FBXO31: variants seen among roughly 807,000 people sequenced by gnomAD.
FBXO31 encodes F-box only protein 31.
A neutral mutation model predicts 54.4 loss-of-function variants in FBXO31; 24 were observed. The ratio of observed to expected loss-of-function variants is 0.44; its 90% CI spans 0.32 to 0.62. FBXO31 has a LOEUF of 0.62. Ranked by LOEUF, FBXO31 falls within the 20% of genes least tolerant of loss-of-function variation. The pLI, the probability that FBXO31 is intolerant of heterozygous loss-of-function variation, is 0.05. For missense variants in FBXO31, 665 were observed against 787.1 expected (o/e 0.84, Z 1.86); for synonymous variants, 388 against 335.6 (o/e 1.16, Z -1.71).
At chr16:87,362,272 T>A (rs1906166423) in intron 1 of FBXO31, among the ~76,000 whole-genome samples, 1 of 152,214 alleles carries the variant, frequency 6.6e-6, no homozygotes, top group South Asian at 2.1e-4. Flanking sequence ...TAACTAATTA[T>A]TATCTTTTCA....
At chr16:87,376,796 C>T (rs1906842985) in intron 1 of FBXO31, among the ~76,000 whole-genome samples, 1 of 152,226 alleles carries the variant, frequency 6.6e-6, no homozygotes, top group African/African-American at 2.4e-5. Flanking sequence ...CCTCACAAGG[C>T]TGGGGCCAGC....
rs1904723539 is a variant in FBXO31 at position 87,328,341 on chromosome 16, G to A, written c.*2947C>T. On this transcript the variant is annotated 3_prime_UTR_variant, in exon 9 of 9. Transcript: ENST00000311635. ...CCCACCCCTCCCTCCTCGTGTGCCA[G>A]GTGGGCTTGCTAGGGGCACAGGTGC... 1 of 152,676 alleles carries A rather than the reference G, an allele frequency of 6.5e-6. No homozygotes were observed. Among genetic ancestry groups the A allele is most frequent in the African/African-American group, 2.4e-5 (1 of 41,470 alleles). The allele number at this position is 152,676 out of a possible 1,614,324, so 9.5% of individuals were successfully genotyped here.
upstream of FBXO31, among the ~76,000 whole-genome samples, chr16:87,384,968 A>C (rs1907275351): frequency 1.3e-5 from 2 of 151,196 alleles, no homozygotes; most frequent in African/African-American, 4.9e-5. Context: ...TGAGGTCAGG[A>C]GTTTGAGACC....
Position 87,373,969 on chromosome 16 carries a change from C to T in FBXO31, c.340+9436G>A, listed in dbSNP as rs141814924. Among the ~76,000 whole-genome samples the T allele has an allele frequency of 6.0e-4, 92 of 152,296 alleles. No individual in the cohort carries two copies. The East Asian group carries it at 0.015, about 25-fold the overall frequency. On this transcript the variant is annotated intron_variant, in intron 1 of 8. Coordinates refer to ENST00000311635, the MANE Select transcript of FBXO31 (RefSeq NM_024735.5). Reference sequence around the variant, plus strand: ...ACCCACTGTAAATATGAAGGCCGGGCATGGTGGTTCACACCTGTAATGCAC... The same window carrying T: ...ACCCACTGTAAATATGAAGGCCGGGTATGGTGGTTCACACCTGTAATGCAC...
At chr16:87,383,956 G>T, upstream of FBXO31, 1 of 262,116 alleles carries the variant, frequency 3.8e-6, no homozygotes, top group Non-Finnish European at 7.0e-6. The surrounding 1 kb of genome is among the most constrained non-coding windows in gnomAD (Gnocchi z 4.9). Flanking sequence ...CCCCTCCAGC[G>T]TGAGGGCGCC....
intron 1 of FBXO31, among the ~76,000 whole-genome samples, chr16:87,376,877 T>C (rs898165640): frequency 6.6e-6 from 1 of 152,230 alleles, no homozygotes. Context: ...TTAGGAAAGA[T>C]GAAGTTTCAG....
Position 87,338,984 on chromosome 16 carries a change from T to G in FBXO31, c.733-2720A>C, listed in dbSNP as rs1268558656. 6.6e-6 allele frequency among the ~76,000 whole-genome samples: 1 copy of G among 152,214 alleles called. No individual in the cohort carries two copies. The highest frequency in any genetic ancestry group is 2.4e-5 in the African/African-American group (1 of 41,460). On this transcript the variant is annotated intron_variant, in intron 5 of 8. Coordinates refer to ENST00000311635, the MANE Select transcript of FBXO31 (RefSeq NM_024735.5). This position sits in a 1 kb window ranked among gnomAD's most constrained non-coding sequence, Gnocchi z 4.3. ...ATGGTTTTATAAAGGGGAGTTCCCC[T>G]GCACAAGTTCTCTCTTTTTTTGCCT... is the stretch of plus-strand genomic sequence containing the variant.
intron 1 of FBXO31, among the ~76,000 whole-genome samples, chr16:87,366,655 T>C (rs1221651656): frequency 6.6e-6 from 1 of 151,688 alleles, no homozygotes; most frequent in Admixed American, 6.6e-5. Context: ...TGACGAAAAA[T>C]GGGAAAATAT....
chr16:87,373,677 T>A (rs1906702238), intron 1 of FBXO31, among the ~76,000 whole-genome samples: 1 of 151,876 alleles, frequency 6.6e-6, no homozygotes. Flanking sequence ...GGACTACAGG[T>A]GTGCACCACC....
chr16:87,381,482 G>T (rs1305884758), intron 1 of FBXO31, among the ~76,000 whole-genome samples: 8 of 152,232 alleles, frequency 5.3e-5, no homozygotes, highest in Non-Finnish European at 1.2e-4. Context: ...GGAAGGTGAA[G>T]CAGCTTGTCC....
At chr16:87,368,512 C>T (rs576736976) in intron 1 of FBXO31, among the ~76,000 whole-genome samples, 1 of 152,334 alleles carries the variant, frequency 6.6e-6, no homozygotes, top group South Asian at 2.1e-4. Flanking sequence ...CAACCCAACT[C>T]CAGACGGCCA....
chr16:87,339,384 C>T (rs1326479757), intron 5 of FBXO31, among the ~76,000 whole-genome samples: 4 of 152,348 alleles, frequency 2.6e-5, no homozygotes, highest in African/African-American at 9.6e-5. Context: ...GCCCCACCCT[C>T]TGAACCCCTA....
At chr16:87,341,513 A>G (rs1258239177) in intron 5 of FBXO31, among the ~76,000 whole-genome samples, 1 of 152,022 alleles carries the variant, frequency 6.6e-6, no homozygotes, top group Non-Finnish European at 1.5e-5. Flanking sequence ...AAAATTAGCC[A>G]GGCATGGTGG....
chr16:87,360,343 G>A lies in FBXO31; in HGVS notation c.364C>T (p.Arg122Trp), dbSNP rs376226613. Residue 122 changes from arginine (R) to tryptophan (W), a missense_variant, in exon 2 of 9, where the codon CGG becomes TGG. Physicochemically the swap from Arg to Trp is moderately radical, Grantham distance 101 (BLOSUM62 -3). This residue lies in a region of FBXO31 where 234 missense variants were observed against 346.8 expected (regional missense o/e 0.67). Transcript: ENST00000311635. ...GACACGCCTGTGATCTCCAGCTTCC[G>A]CAAGTTTTCGCAAACACCATACTCT... Reference protein sequence around the residue: ...REEYGVCENLRKLEITGVSCR... With the variant: ...REEYGVCENLWKLEITGVSCR... 9 of 1,614,130 alleles carry A rather than the reference G, an allele frequency of 5.6e-6. No homozygotes were observed. The highest frequency in any genetic ancestry group is 7.6e-6 in the Non-Finnish European group (9 of 1,180,012).
chr16:87,343,787 G>C, intron 3 of FBXO31, 22 bp from the exon 4 acceptor site: 14 of 1,613,464 alleles, frequency 8.7e-6, no homozygotes, highest in Non-Finnish European at 1.0e-5. Context: ...GATGGGCAAA[G>C]GTCCATGAGT....
chr16:87,383,363 GA>G lies in FBXO31; in HGVS notation c.340+41del. ...AGCTCCGAGGCCTCCACCTGGCAGGGACCCCCCGCCCCTCCCGGCCCCGCCA... is the reference window on the plus strand; with the variant it reads ...AGCTCCGAGGCCTCCACCTGGCAGGGCCCCCCGCCCCTCCCGGCCCCGCCA... On this transcript the variant is annotated intron_variant, in intron 1 of 8. Coordinates refer to ENST00000311635, the MANE Select transcript of FBXO31 (RefSeq NM_024735.5). The surrounding 1 kb of genome is among the most constrained non-coding windows in gnomAD (Gnocchi z 4.9). 2.8e-6 allele frequency: 4 copies of G among 1,437,756 alleles called. No individual in the cohort carries two copies. The highest frequency in any genetic ancestry group is 1.9e-6 in the Non-Finnish European group (2 of 1,064,672). The allele number at this position is 1,437,756 out of a possible 1,614,324, so 89.1% of individuals were successfully genotyped here. A position where few individuals can be genotyped will look rare whatever the true frequency, so the allele number is the denominator to read the frequency against.
At position 87,343,850 on chromosome 16, in the gene FBXO31, G is replaced by A. The variant is rs895147319; in HGVS notation, c.490-85C>T. On this transcript the variant is annotated intron_variant, in intron 3 of 8. Coordinates refer to ENST00000311635, the MANE Select transcript of FBXO31 (RefSeq NM_024735.5). ...CCGCACGGCTCCCCGCACTGCAATG[G>A]CACAGAGAAGCTCCTGCCAGACCAG... The A allele has an allele frequency of 7.4e-5, 104 of 1,412,220 alleles. 1 individual carries two copies. In the Admixed American group the frequency reaches 8.4e-4, roughly 11 times the overall value. 87.5% of individuals were successfully genotyped at this position (1,412,220 alleles called of 1,614,324 possible). A position where few individuals can be genotyped will look rare whatever the true frequency, so the allele number is the denominator to read the frequency against.
intron 1 of FBXO31, among the ~76,000 whole-genome samples, chr16:87,363,884 C>T (rs1051175354): frequency 6.6e-6 from 1 of 152,230 alleles, no homozygotes; most frequent in African/African-American, 2.4e-5. Context: ...ACCGGATCAT[C>T]TGTCAGCTCC....
At chr16:87,385,771 G>A (rs1389445711), upstream of FBXO31, among the ~76,000 whole-genome samples, 1 of 152,180 alleles carries the variant, frequency 6.6e-6, no homozygotes, top group Non-Finnish European at 1.5e-5. Flanking sequence ...AACTTTGGGA[G>A]GCCAAGGCGG....
Sources: allele counts gnomAD v4.1 joint callset (sites outside exome capture counted in the v4.1 genomes callset), GRCh38; gene constraint gnomAD v4.1.1; regional missense constraint gnomAD v4.1.1; non-coding constraint Gnocchi (gnomAD v3.1); transcripts MANE v1.5; gene names NCBI Gene and HGNC (gene_info 2026-07-23, HGNC 2026-07-21).